Variants in ZNF469 observed in about 807,000 individuals in gnomAD.
The protein encoded by ZNF469 is zinc finger protein 469.
ZNF469 carries 1 observed loss-of-function variant against 1.0 expected under a neutral mutation model. That is an observed-to-expected ratio of 1.00 (90% CI 0.35 to 4.73). The LOEUF (loss-of-function observed/expected upper bound fraction) is 4.73. Among genes scored for constraint, ZNF469 ranks in the 30% most tolerant of loss-of-function variants. The pLI, the probability that ZNF469 is intolerant of heterozygous loss-of-function variation, is 0.16. For synonymous variants in ZNF469, 2,703 were observed against 2,363.4 expected (o/e 1.14, Z -4.17); for missense variants, 6,100 against 5,356.3 (o/e 1.14, Z -4.33).
intron 1 of ZNF469, among the ~76,000 whole-genome samples, chr16:88,384,787 C>A (rs1375227734): frequency 1.3e-5 from 2 of 152,126 alleles, no homozygotes; most frequent in East Asian, 3.9e-4. Context: ...ATTTCAGGGT[C>A]AAGGGAAATT....
At chr16:88,184,936 C>T in the ZNF469 span, among the ~76,000 whole-genome samples, 1 of 151,870 alleles carries the variant, frequency 6.6e-6, no homozygotes, top group African/African-American at 2.4e-5. Context: ...ATGCACAGAC[C>T]CTCACACTCA....
intron 1 of ZNF469, among the ~76,000 whole-genome samples, chr16:88,385,444 T>C (rs8045900): frequency 0.02 from 3,005 of 152,012 alleles, 91 homozygotes; most frequent in African/African-American, 0.069. Flanking sequence ...GAGGCCAGCC[T>C]GGGCAACATA....
the ZNF469 span, among the ~76,000 whole-genome samples, chr16:88,340,237 G>A: frequency 4.6e-5 from 7 of 152,314 alleles, no homozygotes; most frequent in Middle Eastern, 0.01. Context: ...GGGGGAGCCT[G>A]TTGTTCAGGC....
intron 1 of ZNF469, among the ~76,000 whole-genome samples, chr16:88,411,469 GGTGC>G (rs1905160792): frequency 2.5e-4 from 1 of 4,080 alleles, no homozygotes; most frequent in Non-Finnish European, 1.4e-3. Flanking sequence ...AGTGGGCAGG[GGTGC>G]AAGCAGGCAG....
chr16:88,433,735 A>G lies in ZNF469; in HGVS notation c.6265A>G (p.Ser2089Gly), dbSNP rs2142309099. The change falls in exon 3 of 3, where the codon AGC becomes GGC. Residue 2089 changes from serine to glycine, a missense_variant. By Grantham distance (56) the Ser-to-Gly change is moderately conservative. Transcript: ENST00000565624. Reference protein sequence around the residue: ...SEGRTPERASSPGLNKPLLAT... With the variant: ...SEGRTPERASGPGLNKPLLAT... ...GGGCCGGACTCCAGAGAGGGCGTCC[A>G]GCCCCGGCCTGAACAAGCCACTGCT... 1 of 1,548,864 alleles carries G rather than the reference A, an allele frequency of 6.5e-7. No homozygotes were observed. The highest frequency in any genetic ancestry group is 2.4e-5 in the East Asian group (1 of 40,908).
the ZNF469 span, among the ~76,000 whole-genome samples, chr16:88,332,605 A>G: frequency 1.3e-5 from 2 of 152,246 alleles, no homozygotes; most frequent in Non-Finnish European, 2.9e-5. Context: ...GCAGGCAGCC[A>G]CCTGGCATAG....
At chr16:88,133,815 C>T in the ZNF469 span, among the ~76,000 whole-genome samples, 11 of 152,332 alleles carry the variant, frequency 7.2e-5, no homozygotes, top group African/African-American at 1.7e-4. Flanking sequence ...AAACATCAGC[C>T]GGACACAGTG....
chr16:88,403,055 T>A (rs1487349216), intron 1 of ZNF469, among the ~76,000 whole-genome samples: 2 of 152,184 alleles, frequency 1.3e-5, no homozygotes, highest in African/African-American at 4.8e-5. Context: ...TCCAGGCACT[T>A]TTAACTTTAT....
Position 88,432,879 on chromosome 16 carries a change from G to A in ZNF469, c.5409G>A (p.Leu1803=). The A allele has an allele frequency of 1.9e-6, 3 of 1,550,304 alleles. No homozygotes were observed. The highest frequency in any genetic ancestry group is 1.7e-6 in the Non-Finnish European group (2 of 1,146,964). The change falls in exon 3 of 3, where the codon CTG becomes CTA. Residue 1803 remains leucine (L), a synonymous_variant. Transcript: ENST00000565624. ...CTTTTGGCAGCCCTGCTGTCCATCTGGCCCCTGACTTGGCATTTCAGGGTG... is the reference window on the plus strand; with the variant it reads ...CTTTTGGCAGCCCTGCTGTCCATCTAGCCCCTGACTTGGCATTTCAGGGTG... ...PEAFGSPAVH[L]APDLAFQGDG... is the part of the protein sequence containing the mutation.
chr16:88,101,543 G>A, the ZNF469 span, among the ~76,000 whole-genome samples: 1 of 62,788 alleles, frequency 1.6e-5, no homozygotes, highest in East Asian at 3.9e-4. Flanking sequence ...ATCTCATTAC[G>A]CTTTTTTTTT....
the ZNF469 span, among the ~76,000 whole-genome samples, chr16:88,344,828 C>G: frequency 3.3e-5 from 5 of 152,230 alleles, no homozygotes; most frequent in Non-Finnish European, 5.9e-5. Context: ...ACCCGAGTCT[C>G]CTCCCCAAAC....
the ZNF469 span, among the ~76,000 whole-genome samples, chr16:88,122,085 CTCG>C: frequency 6.7e-6 from 1 of 148,724 alleles, no homozygotes; most frequent in Non-Finnish European, 1.5e-5. Flanking sequence ...TTGCTGCGGC[CTCG>C]GCAGCCCCTC....
the ZNF469 span, among the ~76,000 whole-genome samples, chr16:88,154,786 A>G: frequency 1.3e-5 from 2 of 152,150 alleles, no homozygotes. Context: ...CATCGAGGGG[A>G]CGGTGAACGC....
the ZNF469 span, among the ~76,000 whole-genome samples, chr16:88,159,050 G>A: frequency 6.6e-5 from 10 of 151,986 alleles, no homozygotes; most frequent in Middle Eastern, 3.2e-3. Context: ...TCAGTGCACC[G>A]GTCACGGATG....
chr16:88,147,782 C>T, the ZNF469 span, among the ~76,000 whole-genome samples: 1 of 152,152 alleles, frequency 6.6e-6, no homozygotes, highest in South Asian at 2.1e-4. Context: ...GGCTTCCTGC[C>T]CTCCACAGCC....
At chr16:88,159,072 G>C in the ZNF469 span, among the ~76,000 whole-genome samples, 1 of 151,598 alleles carries the variant, frequency 6.6e-6, no homozygotes, top group Admixed American at 6.6e-5. Context: ...TCATATGGCT[G>C]TATGGACCAC....
chr16:88,357,305 C>T, the ZNF469 span, among the ~76,000 whole-genome samples: 1 of 152,242 alleles, frequency 6.6e-6, no homozygotes, highest in South Asian at 2.1e-4. Flanking sequence ...GTGGTGGGGA[C>T]CAGCTGTCAC....
At chr16:88,221,795 C>T in the ZNF469 span, among the ~76,000 whole-genome samples, 33 of 152,282 alleles carry the variant, frequency 2.2e-4, no homozygotes, top group African/African-American at 7.0e-4. Flanking sequence ...CCACTCCATC[C>T]GCTCCCAGCT....
At chr16:88,341,297 C>T in the ZNF469 span, among the ~76,000 whole-genome samples, 1 of 152,174 alleles carries the variant, frequency 6.6e-6, no homozygotes, top group Non-Finnish European at 1.5e-5. Context: ...AGTCTATTCT[C>T]CAGGGCCCAG....
Sources: gnomAD v4.1 joint callset for allele counts (sites outside exome capture counted in the v4.1 genomes callset) on GRCh38, gnomAD v4.1.1 for gene constraint, MANE v1.5 for transcripts, NCBI Gene and HGNC (gene_info 2026-07-23, HGNC 2026-07-21) for gene names.